The following CAND1 variants were observed in gnomAD, a reference collection of about 807,000 sequenced individuals.
CAND1 encodes the protein cullin-associated NEDD8-dissociated protein 1.
Under a neutral mutation model 108.5 loss-of-function variants are expected in CAND1, and 7 were observed. That is an observed-to-expected ratio of 0.06 (90% CI 0.04 to 0.12). CAND1 has a LOEUF of 0.12. CAND1 is among the 10% of genes least tolerant of loss of function. The pLI, the probability that CAND1 is intolerant of heterozygous loss-of-function variation, is 1.00. For missense variants in CAND1, 941 were observed against 1,448.7 expected, an observed-to-expected ratio of 0.65 and a Z score of 5.69; for synonymous variants, 534 against 512.0, an observed-to-expected ratio of 1.04 and a Z score of -0.58.
rs570750815 is a variant in CAND1, at chr12:67,290,520, A to C, written c.213-2102A>C. Among the ~76,000 whole-genome samples the C allele has an allele frequency of 2.6e-5, 4 of 152,234 alleles. No homozygotes were observed. In the East Asian group the frequency reaches 7.7e-4, roughly 29 times the overall value. ...GCAAGACAGTGTCTCAAAAAAAAAAAACTTAATACCTAAAAATCTGACTGT... is the reference window on the plus strand; with the variant it reads ...GCAAGACAGTGTCTCAAAAAAAAAACACTTAATACCTAAAAATCTGACTGT... On this transcript the variant is annotated intron_variant, in intron 2 of 14. Transcript: ENST00000545606.
chr12:67,286,170 A>T (rs1020225391), intron 2 of CAND1, among the ~76,000 whole-genome samples: 181 of 151,888 alleles, frequency 1.2e-3, no homozygotes, highest in African/African-American at 4.1e-3. Flanking sequence ...ACCACGCCCA[A>T]CTAATTTTTT....
chr12:67,296,708 T>C lies in CAND1; in HGVS notation c.492-699T>C, dbSNP rs561113604. Among the ~76,000 whole-genome samples the C allele has an allele frequency of 2.6e-5, 4 of 152,266 alleles. No individual in the cohort carries two copies. In the South Asian group the frequency reaches 8.3e-4, roughly 32 times the overall value. On this transcript the variant is annotated intron_variant, in intron 4 of 14. Coordinates refer to ENST00000545606, the MANE Select transcript of CAND1 (RefSeq NM_018448.5). The stretch of plus-strand genomic sequence containing the variant: ...CCTGAGCCTCCCAAAGTGCTGGGAT[T>C]ATAGGCATGAGCCACCATTCCTGGC...
In CAND1 at chr12:67,307,444, A is replaced by G. The variant is rs2044899642; in HGVS notation, c.2977A>G (p.Ile993Val). The change falls in exon 11 of 15, where the codon ATT (isoleucine) becomes GTT (valine). Residue 993 changes from isoleucine (I) to valine (V), a missense_variant. Physicochemically the swap from Ile to Val is conservative, Grantham distance 29. Coordinates refer to ENST00000545606, the MANE Select transcript of CAND1 (RefSeq NM_018448.5). ...SSVVTAVKFTISDHPQPIDPL... is the reference protein window; with the variant it reads ...SSVVTAVKFTVSDHPQPIDPL... ...AGTGGTTACGGCTGTGAAATTTACA[A>G]TTTCTGACCATCCACAACCTATTGA... The G allele has an allele frequency of 3.7e-6, 6 of 1,611,152 alleles. No individual in the cohort carries two copies. The African/African-American group carries it at 4.0e-5, about 11-fold the overall frequency.
chr12:67,275,748 G>T (rs894006793), intron 1 of CAND1, among the ~76,000 whole-genome samples: 4 of 152,100 alleles, frequency 2.6e-5, no homozygotes, highest in African/African-American at 9.7e-5. Context: ...TGAGTGCAAG[G>T]TATCTATCGA....
At chr12:67,274,419 G>A (rs1343760761) in intron 1 of CAND1, among the ~76,000 whole-genome samples, 1 of 152,186 alleles carries the variant, frequency 6.6e-6, no homozygotes, top group Non-Finnish European at 1.5e-5. Flanking sequence ...TAAAGCACAC[G>A]ATACAAAACT....
chr12:67,281,695 C>CT (rs2044621666), intron 1 of CAND1, among the ~76,000 whole-genome samples: 1 of 152,136 alleles, frequency 6.6e-6, no homozygotes, highest in South Asian at 2.1e-4. Context: ...GTCTCACCGT[C>CT]TCTCTGGATA....
At chr12:67,296,556 T>C (rs1235946574) in intron 4 of CAND1, among the ~76,000 whole-genome samples, 1 of 152,024 alleles carries the variant, frequency 6.6e-6, no homozygotes, top group Admixed American at 6.6e-5. Flanking sequence ...TGCCTCAGCT[T>C]CCTGAGTAGC....
intron 13 of CAND1, 51 bp from the exon 14 acceptor site, chr12:67,311,642 T>C: frequency 8.7e-7 from 1 of 1,155,416 alleles, no homozygotes; most frequent in Non-Finnish European, 1.3e-6. Context: ...TAGTATTTTG[T>C]TTTTAGAAAA....
intron 7 of CAND1, 34 bp from the exon 8 acceptor site, chr12:67,302,289 T>G: frequency 6.4e-7 from 1 of 1,562,838 alleles, no homozygotes; most frequent in Non-Finnish European, 8.7e-7. Context: ...TCTCTTGTCA[T>G]TAATAGCCTG....
rs1022972891 is a variant in CAND1, at chr12:67,314,948, A to T, written c.*2118A>T. 3 of 152,160 alleles carry T rather than the reference A, an allele frequency of 2.0e-5. No individual in the cohort carries two copies. The highest frequency in any genetic ancestry group is 7.2e-5 in the African/African-American group (3 of 41,420). 9.4% of individuals were successfully genotyped at this position (152,160 alleles called of 1,614,324 possible). A position where few individuals can be genotyped will look rare whatever the true frequency, so the allele number is the denominator to read the frequency against. ...GATTAACTCCATACTCCTAGTGGTG[A>T]TGTGGTCCAGATACTGGAATGGAAG... is the stretch of plus-strand genomic sequence containing the variant. On this transcript the variant is annotated 3_prime_UTR_variant, in exon 15 of 15. Transcript: ENST00000545606.
At chr12:67,295,185 C>T (rs375639098) in intron 4 of CAND1, 29 bp downstream of exon 4, 24 of 1,578,656 alleles carry the variant, frequency 1.5e-5, no homozygotes, top group Admixed American at 1.3e-4. Flanking sequence ...TTCCGTTACT[C>T]GTAATACAGA....
intron 1 of CAND1, chr12:67,270,099 G>GT: frequency 2.8e-6 from 1 of 356,022 alleles, no homozygotes; most frequent in Non-Finnish European, 5.1e-6. Flanking sequence ...GTAGCGCGAA[G>GT]GGGCTAAACC....
At chr12:67,287,448 A>G (rs1039660618) in intron 2 of CAND1, among the ~76,000 whole-genome samples, 4 of 152,202 alleles carry the variant, frequency 2.6e-5, no homozygotes, top group Admixed American at 2.0e-4. Flanking sequence ...GAATTTGTGT[A>G]TTAACAATAC....
chr12:67,312,349 G>A (rs2044960349), intron 14 of CAND1, among the ~76,000 whole-genome samples: 1 of 152,008 alleles, frequency 6.6e-6, no homozygotes, highest in South Asian at 2.1e-4. Flanking sequence ...GAAACAAAGA[G>A]TGTCCTACTC....
chr12:67,290,437 G>A (rs1315118595), intron 2 of CAND1, among the ~76,000 whole-genome samples: 3 of 151,878 alleles, frequency 2.0e-5, no homozygotes, highest in African/African-American at 4.8e-5. Context: ...CTTGAACCTC[G>A]GAGGCTAAGG....
intron 6 of CAND1, 132 bp downstream of exon 6, chr12:67,297,985 C>G (rs1470683343): frequency 2.2e-6 from 1 of 463,776 alleles, no homozygotes; most frequent in Non-Finnish European, 3.8e-6. Flanking sequence ...GTATTTGAAA[C>G]TAATGTCATC....
chr12:67,296,467 C>G (rs776099963), intron 4 of CAND1, among the ~76,000 whole-genome samples: 7 of 151,830 alleles, frequency 4.6e-5, no homozygotes, highest in Admixed American at 2.6e-4. Context: ...TGGAGTCTCA[C>G]TCTGTCACCC....
rs778502852 is a variant in CAND1 at position 67,292,744 on chromosome 12, C to T, written c.335C>T (p.Thr112Ile). Reference protein sequence around the residue: ...LRDISSIGLKTVIGELPPASS... With the variant: ...LRDISSIGLKIVIGELPPASS... ...GACATTTCAAGTATTGGTCTTAAAA[C>T]AGTAATTGGAGAACTTCCTCCAGCT... Residue 112 changes from threonine to isoleucine, a missense_variant, in exon 3 of 15, where the codon ACA (threonine) becomes ATA (isoleucine). Thr to Ile is a moderately conservative substitution (Grantham distance 89). Coordinates refer to ENST00000545606, the MANE Select transcript of CAND1 (RefSeq NM_018448.5). The T allele has an allele frequency of 6.2e-7, 1 of 1,613,672 alleles. No individual in the cohort carries two copies. The highest frequency in any genetic ancestry group is 1.3e-5 in the African/African-American group (1 of 75,028).
Position 67,319,493 on chromosome 12 carries a change from A to G in CAND1, c.*6663A>G, listed in dbSNP as rs1006586205. 1 of 151,994 alleles carries G rather than the reference A, an allele frequency of 6.6e-6. No homozygotes were observed. Among genetic ancestry groups the G allele is most frequent in the East Asian group, 1.9e-4 (1 of 5,188 alleles). The allele number at this position is 151,994 out of a possible 1,614,324, so 9.4% of individuals were successfully genotyped here. A position where few individuals can be genotyped will look rare whatever the true frequency, so the allele number is the denominator to read the frequency against. On this transcript the variant is annotated 3_prime_UTR_variant, in exon 15 of 15. Transcript: ENST00000545606. ...TGAAGAGGGCATAATCCAAGGGCCAACTCCCATGTTTGGAACCTGACTCCA... is the reference window on the plus strand; with the variant it reads ...TGAAGAGGGCATAATCCAAGGGCCAGCTCCCATGTTTGGAACCTGACTCCA...
Sources: gnomAD v4.1 joint callset for allele counts (sites outside exome capture counted in the v4.1 genomes callset) on GRCh38, gnomAD v4.1.1 for gene constraint, MANE v1.5 for transcripts, NCBI Gene and HGNC (gene_info 2026-07-23, HGNC 2026-07-21) for gene names.